The following TMEM217 variants were observed in gnomAD, a reference collection of about 807,000 sequenced individuals.
TMEM217 encodes the protein chromosome 6 open reading frame 128.
For synonymous variants in TMEM217, 76 were observed against 88.3 expected (o/e 0.86, Z 0.78); for missense variants, 204 against 248.8 (o/e 0.82, Z 1.21).
chr6:37,228,587 C>T (rs1456774766), intron 1 of TMEM217, among the ~76,000 whole-genome samples: 1 of 152,156 alleles, frequency 6.6e-6, no homozygotes, highest in African/African-American at 2.4e-5. Flanking sequence ...GCCTGTAGTC[C>T]CAGATACTCG....
At chr6:37,215,994 G>GGTGTGTGTGTGT (rs60725183), downstream of TMEM217, among the ~76,000 whole-genome samples, 1 of 149,082 alleles carries the variant, frequency 6.7e-6, no homozygotes, top group South Asian at 2.1e-4. Flanking sequence ...GGTTCTTCAG[G>GGTGTGTGTGTGT]GTGTGTGTGT....
chr6:37,225,196 A>G (rs923646458), intron 1 of TMEM217, among the ~76,000 whole-genome samples: 1 of 151,998 alleles, frequency 6.6e-6, no homozygotes, highest in Non-Finnish European at 1.5e-5. Context: ...CGAGACTCTG[A>G]CTAAAAAAAA....
At chr6:37,215,685 G>A (rs1763165997), downstream of TMEM217, among the ~76,000 whole-genome samples, 1 of 151,864 alleles carries the variant, frequency 6.6e-6, no homozygotes, top group South Asian at 2.1e-4. Context: ...ATGTAACAGT[G>A]AGAGAGATGA....
At chr6:37,212,259 C>T (rs1762948730) in exon 4 of TMEM217, 2 of 343,804 alleles carry the variant, frequency 5.8e-6, no homozygotes, top group Non-Finnish European at 5.7e-6. Context: ...ATAATTGATC[C>T]GCACAACCTG....
At chr6:37,235,426 T>C (rs544379508) in intron 1 of TMEM217, among the ~76,000 whole-genome samples, 2 of 152,154 alleles carry the variant, frequency 1.3e-5, no homozygotes, top group South Asian at 2.1e-4. Flanking sequence ...AGTGCAGTGG[T>C]GCCATCTCGG....
chr6:37,256,455 A>G (rs262920), intron 1 of TMEM217, among the ~76,000 whole-genome samples: 139,151 of 152,214 alleles, frequency 0.91, 63,734 homozygotes, highest in African/African-American at 0.98. Context: ...GAGAAAGGCA[A>G]GTAAAATAAT....
In TMEM217 at chr6:37,218,560, C is replaced by T. The variant is rs141081292; in HGVS notation, c.471G>A (p.Arg157=). 303 of 1,614,094 alleles carry T rather than the reference C, an allele frequency of 1.9e-4. 1 individual carries two copies. In the African/African-American group the frequency reaches 3.3e-3, roughly 18 times the overall value. Reference sequence around the variant, plus strand: ...TGTAGGAAATTATATTGCCCTGGCTCCGGTTTTTGTAGGTTATGTGGGCAT... The same window carrying T: ...TGTAGGAAATTATATTGCCCTGGCTTCGGTTTTTGTAGGTTATGTGGGCAT... The change falls in exon 2 of 2, where the codon CGG becomes CGA. Residue 157 remains arginine (R), a synonymous_variant. Coordinates refer to ENST00000357219, the Ensembl canonical transcript of TMEM217.
At chr6:37,229,428 C>T (rs532984447) in intron 1 of TMEM217, among the ~76,000 whole-genome samples, 3 of 139,036 alleles carry the variant, frequency 2.2e-5, no homozygotes, top group African/African-American at 5.4e-5. Context: ...CTGCAAGCTC[C>T]GCCTCCCGGG....
In TMEM217 at chr6:37,212,620, G is replaced by A. The variant is rs115610324; in HGVS notation, c.*377C>T. 2,192 of 505,592 alleles carry A rather than the reference G, an allele frequency of 4.3e-3. 32 individuals carry two copies. The highest frequency in any genetic ancestry group is 0.036 in the African/African-American group (1,866 of 52,184). 31.3% of individuals were successfully genotyped at this position (505,592 alleles called of 1,614,324 possible). A position where few individuals can be genotyped will look rare whatever the true frequency, so the allele number is the denominator to read the frequency against. On this transcript the variant is annotated 3_prime_UTR_variant, in exon 4 of 4. Transcript: ENST00000336655. ...GAAGATCCAGTGCAAATAACTCAGC[G>A]TCTTGAAGTGATCTTTGATGATCCC...
chr6:37,248,289 G>A (rs1021481094), intron 1 of TMEM217, among the ~76,000 whole-genome samples: 2 of 152,074 alleles, frequency 1.3e-5, no homozygotes, highest in African/African-American at 4.8e-5. Context: ...ATAGTTTAGT[G>A]CCAGGAATAC....
exon 2 of TMEM217, chr6:37,218,154 G>A: frequency 8.6e-7 from 1 of 1,159,944 alleles, no homozygotes; most frequent in Non-Finnish European, 1.1e-6. Flanking sequence ...TTATAGTGGT[G>A]GATAAAGCTG....
At chr6:37,225,258 G>C (rs1344136864) in intron 1 of TMEM217, among the ~76,000 whole-genome samples, 1 of 152,108 alleles carries the variant, frequency 6.6e-6, no homozygotes, top group Non-Finnish European at 1.5e-5. Context: ...ATTTGGGATT[G>C]TGGTTACTTC....
intron 1 of TMEM217, among the ~76,000 whole-genome samples, chr6:37,223,812 T>C (rs939147958): frequency 2.0e-5 from 3 of 150,240 alleles, no homozygotes; most frequent in Admixed American, 1.3e-4. Context: ...CTAGCCCATT[T>C]TTCTTATTTA....
chr6:37,232,007 C>T (rs541283227), intron 1 of TMEM217, among the ~76,000 whole-genome samples: 3 of 151,930 alleles, frequency 2.0e-5, no homozygotes, highest in African/African-American at 2.4e-5. Flanking sequence ...TTGCATGAAT[C>T]GAATTATCTG....
At chr6:37,229,581 A>G (rs1764079052) in intron 1 of TMEM217, among the ~76,000 whole-genome samples, 2 of 151,896 alleles carry the variant, frequency 1.3e-5, no homozygotes, top group Non-Finnish European at 1.5e-5. Context: ...TGACCTCGTG[A>G]TCCACCCGCC....
downstream of TMEM217, chr6:37,215,299 A>G: frequency 6.2e-7 from 1 of 1,608,830 alleles, no homozygotes; most frequent in Non-Finnish European, 8.5e-7. Context: ...AAATAAAAAA[A>G]CAAATGAATA....
chr6:37,257,908 G>C, exon 1 of TMEM217: 1 of 1,613,372 alleles, frequency 6.2e-7, no homozygotes, highest in Non-Finnish European at 8.5e-7. Context: ...GACTTCCCCC[G>C]GCCAGAGCAA....
chr6:37,229,403 C>T (rs1227587954), intron 1 of TMEM217, among the ~76,000 whole-genome samples: 2 of 130,478 alleles, frequency 1.5e-5, no homozygotes, highest in African/African-American at 5.9e-5. Flanking sequence ...AGTGCAGCGG[C>T]GCGATCTCGG....
chr6:37,228,387 C>T (rs1349046953), intron 1 of TMEM217, among the ~76,000 whole-genome samples: 2 of 152,198 alleles, frequency 1.3e-5, no homozygotes, highest in African/African-American at 4.8e-5. Context: ...GCAATTTTCA[C>T]AAGAGTGAAA....
Sources: allele counts gnomAD v4.1 joint callset (sites outside exome capture counted in the v4.1 genomes callset), GRCh38; gene constraint gnomAD v4.1.1; transcripts MANE v1.5; gene names NCBI Gene and HGNC (gene_info 2026-07-23, HGNC 2026-07-21).